RAB6B: variants seen among roughly 807,000 people sequenced by gnomAD.
RAB6B encodes RAB6B, member RAS oncogene family.
Under a neutral mutation model 31.2 loss-of-function variants are expected in RAB6B, and 7 were observed. The ratio of observed to expected loss-of-function variants is 0.22; its 90% CI spans 0.13 to 0.42. The LOEUF (loss-of-function observed/expected upper bound fraction) is 0.42, where lower values mean the gene tolerates loss of function less well. Ranked by LOEUF, RAB6B falls within the 10% of genes least tolerant of loss-of-function variation. The pLI, the probability that RAB6B is intolerant of heterozygous loss-of-function variation, is 1.00. For missense variants in RAB6B, 149 were observed against 280.6 expected, an observed-to-expected ratio of 0.53 and a Z score of 3.35; for synonymous variants, 105 against 104.9, an observed-to-expected ratio of 1.00 and a Z score of -0.01.
Position 133,856,585 on chromosome 3 carries a change from G to C in RAB6B, c.129+7999C>G, listed in dbSNP as rs376969278. On this transcript the variant is annotated intron_variant, in intron 2 of 7. Coordinates refer to ENST00000285208, the MANE Select transcript of RAB6B (RefSeq NM_016577.4). The stretch of plus-strand genomic sequence containing the variant: ...GCTTTTACAGTCTCTAATCAAGCGA[G>C]GGAGTAGGAGGTTGCCAATGGGTAC... Among the ~76,000 whole-genome samples the C allele has an allele frequency of 2.6e-5, 4 of 152,318 alleles. No homozygotes were observed. The East Asian group carries it at 5.8e-4, about 22-fold the overall frequency.
intron 6 of RAB6B, among the ~76,000 whole-genome samples, chr3:133,835,532 G>A (rs1051462161): frequency 6.6e-6 from 1 of 151,682 alleles, no homozygotes; most frequent in Admixed American, 6.6e-5. Context: ...CAGGGGACAG[G>A]TGGCAAGTGG....
Position 133,828,694 on chromosome 3 carries a change from G to C in RAB6B, c.*94C>G. 1 of 1,012,864 alleles carries C rather than the reference G, an allele frequency of 9.9e-7. No homozygotes were observed. The allele number at this position is 1,012,864 out of a possible 1,614,324, so 62.7% of individuals were successfully genotyped here. A position where few individuals can be genotyped will look rare whatever the true frequency, so the allele number is the denominator to read the frequency against. On this transcript the variant is annotated 3_prime_UTR_variant, in exon 8 of 8. Transcript: ENST00000285208. ...GAGAAAAGAAAAATCCTCCCATCTTGATAACTCGGTTCCCTCCCCCCTTAG... is the reference window on the plus strand; with the variant it reads ...GAGAAAAGAAAAATCCTCCCATCTTCATAACTCGGTTCCCTCCCCCCTTAG...
chr3:133,884,412 T>A (rs1936509780), intron 1 of RAB6B, among the ~76,000 whole-genome samples: 1 of 152,238 alleles, frequency 6.6e-6, no homozygotes, highest in Non-Finnish European at 1.5e-5. Flanking sequence ...GCTTTCAGCC[T>A]TAGCTTTTTG....
At chr3:133,844,238 C>G (rs1935877245) in intron 2 of RAB6B, among the ~76,000 whole-genome samples, 1 of 152,208 alleles carries the variant, frequency 6.6e-6, no homozygotes, top group Non-Finnish European at 1.5e-5. Context: ...CACATACTTT[C>G]TCTCACATCC....
At chr3:133,889,388 T>TTATATATATATA (rs5852771) in intron 1 of RAB6B, among the ~76,000 whole-genome samples, 6 of 80,274 alleles carry the variant, frequency 7.5e-5, no homozygotes, top group Admixed American at 1.4e-4. Flanking sequence ...GGTTATTTTG[T>TTATATATATATA]TATATATATA....
chr3:133,832,635 CTG>C (rs1935671678), intron 7 of RAB6B, among the ~76,000 whole-genome samples: 1 of 152,218 alleles, frequency 6.6e-6, no homozygotes, highest in South Asian at 2.1e-4. Flanking sequence ...AGAATGACGG[CTG>C]CCTCTGCCTG....
intron 6 of RAB6B, 34 bp from the exon 7 acceptor site, chr3:133,834,675 A>G: frequency 6.3e-7 from 1 of 1,597,188 alleles, no homozygotes; most frequent in South Asian, 1.1e-5. Flanking sequence ...GTGAACCCCA[A>G]CCCTGGCCCT....
Position 133,870,478 on chromosome 3 carries a change from T to C in RAB6B, c.71-5836A>G, listed in dbSNP as rs142030621. On this transcript the variant is annotated intron_variant, in intron 1 of 7. Transcript: ENST00000285208. ...AGAGATGGAGGATCTCAGTGAACAA[T>C]GCAGAGGTGGTGGGGCTGGAGAGAA... Among the ~76,000 whole-genome samples, 299 of 152,138 alleles carry C rather than the reference T, an allele frequency of 2.0e-3. 2 individuals carry two copies. The highest frequency in any genetic ancestry group is 6.8e-3 in the African/African-American group (281 of 41,510).
intron 1 of RAB6B, among the ~76,000 whole-genome samples, chr3:133,892,641 G>A (rs533821104): frequency 6.1e-4 from 93 of 152,272 alleles, no homozygotes; most frequent in African/African-American, 2.1e-3. Context: ...CCTTCCCCTG[G>A]CCCATCTCCA....
At chr3:133,859,544 G>A (rs1200557513) in intron 2 of RAB6B, among the ~76,000 whole-genome samples, 1 of 152,176 alleles carries the variant, frequency 6.6e-6, no homozygotes, top group Non-Finnish European at 1.5e-5. Context: ...ACCTACACCA[G>A]CAAAGGCAGT....
intron 1 of RAB6B, among the ~76,000 whole-genome samples, chr3:133,889,412 A>ATG (rs1156597112): frequency 3.9e-4 from 19 of 48,636 alleles, no homozygotes; most frequent in Non-Finnish European, 6.5e-4. Context: ...ATATATATAT[A>ATG]TATATATATA....
At chr3:133,884,161 A>C (rs1936506443) in intron 1 of RAB6B, among the ~76,000 whole-genome samples, 1 of 152,246 alleles carries the variant, frequency 6.6e-6, no homozygotes, top group South Asian at 2.1e-4. Context: ...CACCAGCTAC[A>C]CTGGCAAAGG....
rs147593728 is a variant in RAB6B, at chr3:133,889,182, T to C, written c.70+6215A>G. On this transcript the variant is annotated intron_variant, in intron 1 of 7. Transcript: ENST00000285208. Reference sequence around the variant, plus strand: ...AAACCAGACAGCCCTACACATTCAATGGCCGATGCATTCGGCAACAATGGA... The same window carrying C: ...AAACCAGACAGCCCTACACATTCAACGGCCGATGCATTCGGCAACAATGGA... Among the ~76,000 whole-genome samples, 968 of 151,870 alleles carry C rather than the reference T, an allele frequency of 6.4e-3. 7 individuals are homozygous for C. The highest frequency in any genetic ancestry group is 0.014 in the Middle Eastern group (4 of 292).
chr3:133,839,561 C>T lies in RAB6B; in HGVS notation c.346G>A (p.Gly116Ser). 6.2e-7 allele frequency: 1 copy of T among 1,614,224 alleles called. No homozygotes were observed. Among genetic ancestry groups the T allele is most frequent in the South Asian group, 1.1e-5 (1 of 91,084 alleles). Reference protein sequence around the residue: ...KWIDDVRTERGSDVIIMLVGN... With the variant: ...KWIDDVRTERSSDVIIMLVGN... ...ACCAGCATGATGATAACATCACTGC[C>T]CCTCTCTGTCCTGACGTCGTCGATC... The change falls in exon 5 of 8, where the codon GGC becomes AGC. Residue 116 changes from glycine to serine, a missense_variant. Physicochemically the swap from Gly to Ser is moderately conservative, Grantham distance 56 (BLOSUM62 0). Around this residue, in one of 2 missense-constraint regions of RAB6B, gnomAD observed 75 missense variants for 180.1 expected, o/e 0.42. Coordinates refer to ENST00000285208, the MANE Select transcript of RAB6B (RefSeq NM_016577.4).
chr3:133,891,364 G>T (rs1240556324), intron 1 of RAB6B, among the ~76,000 whole-genome samples: 1 of 152,186 alleles, frequency 6.6e-6, no homozygotes, highest in African/African-American at 2.4e-5. Flanking sequence ...TCTGGGTAGG[G>T]TGGGCTTGTT....
At chr3:133,885,702 C>A in intron 1 of RAB6B, 1 of 689,660 alleles carries the variant, frequency 1.4e-6, no homozygotes, top group Non-Finnish European at 2.6e-6. Flanking sequence ...CTTAAAGGGG[C>A]TAGCTTTGGT....
At chr3:133,832,946 A>G (rs899098874) in intron 7 of RAB6B, among the ~76,000 whole-genome samples, 3 of 152,218 alleles carry the variant, frequency 2.0e-5, no homozygotes, top group Non-Finnish European at 2.9e-5. Flanking sequence ...CTGTGGGCCC[A>G]GCCTGGAGCC....
At chr3:133,855,436 A>C (rs1936061411) in intron 2 of RAB6B, among the ~76,000 whole-genome samples, 1 of 152,236 alleles carries the variant, frequency 6.6e-6, no homozygotes, top group African/African-American at 2.4e-5. Context: ...ACCCAATTTA[A>C]ATATGTGATT....
intron 2 of RAB6B, among the ~76,000 whole-genome samples, chr3:133,856,667 G>A (rs1936082418): frequency 6.6e-6 from 1 of 152,208 alleles, no homozygotes; most frequent in African/African-American, 2.4e-5. Context: ...GACTCAGGAT[G>A]CAGTTCTCTG....
Sources: gnomAD v4.1 joint callset for allele counts (sites outside exome capture counted in the v4.1 genomes callset) on GRCh38, gnomAD v4.1.1 for gene constraint, gnomAD v4.1.1 regional missense constraint, MANE v1.5 for transcripts, NCBI Gene and HGNC (gene_info 2026-07-23, HGNC 2026-07-21) for gene names.